Variants in MGST1 observed in about 807,000 individuals in gnomAD.
MGST1 encodes microsomal glutathione S-transferase 1.
A neutral mutation model predicts 8.9 loss-of-function variants in MGST1; 5 were observed. The ratio of observed to expected loss-of-function variants is 0.56; its 90% CI spans 0.29 to 1.19. The LOEUF (loss-of-function observed/expected upper bound fraction) is 1.19. Among genes scored for constraint, MGST1 ranks in the 50% most tolerant of loss-of-function variants. MGST1 has a pLI of 0.08. For synonymous variants in MGST1, 54 were observed against 67.8 expected (o/e 0.80, Z 1.00); for missense variants, 182 against 187.4 (o/e 0.97, Z 0.17).
At chr12:16,577,383 C>G (rs1056984146) in intron 4 of MGST1, among the ~76,000 whole-genome samples, 4 of 152,146 alleles carry the variant, frequency 2.6e-5, no homozygotes, top group African/African-American at 9.7e-5. Flanking sequence ...ATTAAAATCA[C>G]ATTTTCCTAA....
chr12:16,420,289 A>G (rs1399199022), intron 1 of MGST1, among the ~76,000 whole-genome samples: 2 of 152,186 alleles, frequency 1.3e-5, no homozygotes, highest in Non-Finnish European at 2.9e-5. Flanking sequence ...AGATCTTTTG[A>G]TTGAAGAAGC....
At chr12:16,348,927 G>A (rs557904564) in intron 1 of MGST1, 3 of 152,122 alleles carry the variant, frequency 2.0e-5, no homozygotes, top group South Asian at 2.1e-4. Flanking sequence ...ATTGGAAAAG[G>A]AGGTCAGGTC....
chr12:16,439,130 G>C (rs1428166707), downstream of MGST1, among the ~76,000 whole-genome samples: 2 of 149,626 alleles, frequency 1.3e-5, no homozygotes, highest in Non-Finnish European at 3.0e-5. Flanking sequence ...AAAAAAGCCA[G>C]ATAGAAAACT....
rs781038537 is a variant in MGST1, at chr12:16,361,356, G to A, written c.222-2439G>A. ...ATCTGAGGGAAGGAGGCGTGGCTGT[G>A]GCCTCAAGAGCACAGAGATGGTGGG... On this transcript the variant is annotated intron_variant, in intron 3 of 3. Coordinates refer to ENST00000396210, the MANE Select transcript of MGST1 (RefSeq NM_020300.5). The surrounding 1 kb of genome is among the most constrained non-coding windows in gnomAD (Gnocchi z 4.2). Among the ~76,000 whole-genome samples the A allele has an allele frequency of 3.7e-4, 56 of 152,186 alleles. No individual in the cohort carries two copies. Among genetic ancestry groups the A allele is most frequent in the Non-Finnish European group, 6.8e-4 (46 of 68,036 alleles).
chr12:16,388,887 T>C lies in MGST1; in HGVS notation n.778+5283T>C, dbSNP rs993099090. ...TACTCTGTCCTTCCAGAACTCCTGC[T>C]CTAGGCCAGGCCTGGACCTTCCACT... On this transcript the variant is annotated intron_variant and non_coding_transcript_variant, in intron 1 of 1. Transcript: ENST00000359720. Among the ~76,000 whole-genome samples, 3 of 152,168 alleles carry C rather than the reference T, an allele frequency of 2.0e-5. No homozygotes were observed. In the East Asian group the frequency reaches 5.8e-4, roughly 29 times the overall value.
Position 16,560,720 on chromosome 12 carries a change from T to G in MGST1, n.483-28808T>G, listed in dbSNP as rs1664986875. 1.6e-6 allele frequency: 1 copy of G among 622,376 alleles called. No homozygotes were observed. The highest frequency in any genetic ancestry group is 1.8e-5 in the African/African-American group (1 of 54,206). The allele number at this position is 622,376 out of a possible 1,614,324, so 38.6% of individuals were successfully genotyped here. On this transcript the variant is annotated intron_variant and non_coding_transcript_variant, in intron 4 of 4. Transcript: ENST00000538857. The surrounding 1 kb of genome is among the most constrained non-coding windows in gnomAD (Gnocchi z 5.0). ...TTCTGCAATATATTCTCCGTTGACC[T>G]TCCTTGATGAAAATCACATCTTGTT...
Position 16,513,020 on chromosome 12 carries a change from T to C in MGST1, n.483-76508T>C, listed in dbSNP as rs1193738297. Among the ~76,000 whole-genome samples, 1 of 152,230 alleles carries C rather than the reference T, an allele frequency of 6.6e-6. No individual in the cohort carries two copies. Among genetic ancestry groups the C allele is most frequent in the Non-Finnish European group, 1.5e-5 (1 of 68,040 alleles). ...GGACCTCAGAGTAAGTGTTTGTAAC[T>C]AATCTACTTTTCCTCCCAGTGTACA... On this transcript the variant is annotated intron_variant and non_coding_transcript_variant, in intron 4 of 4. Coordinates refer to the MGST1 transcript ENST00000538857. The surrounding 1 kb of genome is among the most constrained non-coding windows in gnomAD (Gnocchi z 4.2).
chr12:16,529,388 G>A (rs552593947), intron 4 of MGST1, among the ~76,000 whole-genome samples: 25 of 152,062 alleles, frequency 1.6e-4, no homozygotes, highest in Admixed American at 4.6e-4. Context: ...TTAATCACAC[G>A]TCAAGATTTA....
chr12:16,365,073 T>C (rs771353591), downstream of MGST1, among the ~76,000 whole-genome samples: 9 of 152,272 alleles, frequency 5.9e-5, no homozygotes, highest in Non-Finnish European at 7.4e-5. Flanking sequence ...GATATTAAAT[T>C]TGATGAATTT....
intron 4 of MGST1, among the ~76,000 whole-genome samples, chr12:16,453,230 G>A (rs1565457686): frequency 6.6e-6 from 1 of 151,914 alleles, no homozygotes; most frequent in Non-Finnish European, 1.5e-5. Flanking sequence ...TGTGGAGATA[G>A]CAACGTCCTT....
At chr12:16,539,100 T>C (rs1941777016) in intron 4 of MGST1, among the ~76,000 whole-genome samples, 1 of 152,138 alleles carries the variant, frequency 6.6e-6, no homozygotes, top group Admixed American at 6.5e-5. Flanking sequence ...GGGAGTACAA[T>C]TCAAGATGAT....
chr12:16,501,744 A>G (rs981782432), intron 4 of MGST1, among the ~76,000 whole-genome samples: 4 of 152,212 alleles, frequency 2.6e-5, no homozygotes, highest in African/African-American at 9.6e-5. Context: ...ATAACTATGC[A>G]GTTCTACTAG....
chr12:16,381,179 A>T (rs60108790), downstream of MGST1, among the ~76,000 whole-genome samples: 158 of 152,250 alleles, frequency 1.0e-3, no homozygotes, highest in African/African-American at 3.7e-3. Flanking sequence ...TTTTCCTGTC[A>T]TTATGATGTT....
chr12:16,390,780 T>C (rs1940545626), intron 1 of MGST1, among the ~76,000 whole-genome samples: 1 of 152,178 alleles, frequency 6.6e-6, no homozygotes, highest in African/African-American at 2.4e-5. Flanking sequence ...TTCACATGTA[T>C]GTCTTTATAG....
rs969049972 is a variant in MGST1 at position 16,582,930 on chromosome 12, C to T, written n.483-6598C>T. Reference sequence around the variant, plus strand: ...GGAGTGGTGGCATGCACCTGTAATCCCAGCTACTCAGGAGGCTAATGCAGG... The same window carrying T: ...GGAGTGGTGGCATGCACCTGTAATCTCAGCTACTCAGGAGGCTAATGCAGG... On this transcript the variant is annotated intron_variant and non_coding_transcript_variant, in intron 4 of 4. Transcript: ENST00000538857. This position sits in a 1 kb window ranked among gnomAD's most constrained non-coding sequence, Gnocchi z 4.1. Among the ~76,000 whole-genome samples the T allele has an allele frequency of 2.0e-5, 3 of 151,756 alleles. No individual in the cohort carries two copies. The highest frequency in any genetic ancestry group is 7.3e-5 in the African/African-American group (3 of 41,288).
At chr12:16,530,700 A>G (rs913635989) in intron 4 of MGST1, among the ~76,000 whole-genome samples, 12 of 152,088 alleles carry the variant, frequency 7.9e-5, no homozygotes, top group Admixed American at 2.0e-4. Flanking sequence ...CATTTCTACC[A>G]TGAAGTAAAA....
At chr12:16,373,538 T>C (rs1012513217) in intron 3 of MGST1, among the ~76,000 whole-genome samples, 10 of 151,778 alleles carry the variant, frequency 6.6e-5, no homozygotes, top group South Asian at 2.1e-4. Flanking sequence ...TGTATCCGTA[T>C]CCATAAGAAT....
chr12:16,487,185 G>A (rs950396871), intron 4 of MGST1, among the ~76,000 whole-genome samples: 1 of 152,120 alleles, frequency 6.6e-6, no homozygotes, highest in Non-Finnish European at 1.5e-5. Context: ...AATAACATTT[G>A]TGTGTCCTCT....
intron 1 of MGST1, chr12:16,400,182 C>T (rs1940642409): frequency 1.5e-5 from 17 of 1,104,594 alleles, no homozygotes; most frequent in Admixed American, 1.7e-5. Context: ...TCCCTAAGTC[C>T]GTGGTTGTCT....
Sources: gnomAD v4.1 joint callset for allele counts (sites outside exome capture counted in the v4.1 genomes callset) on GRCh38, gnomAD v4.1.1 for gene constraint, Gnocchi (gnomAD v3.1) non-coding constraint, MANE v1.5 for transcripts, NCBI Gene and HGNC (gene_info 2026-07-23, HGNC 2026-07-21) for gene names.